The following DCC variants were observed in gnomAD, a reference collection of about 807,000 sequenced individuals.
The protein encoded by DCC is netrin receptor DCC.
Under a neutral mutation model 172.5 loss-of-function variants are expected in DCC, and 58 were observed. The observed-to-expected ratio is 0.34, with a 90% CI of 0.27 to 0.42. The LOEUF (loss-of-function observed/expected upper bound fraction) is 0.42. DCC is among the 10% of genes least tolerant of loss of function. DCC has a pLI of 1.00. For synonymous variants in DCC, 709 were observed against 644.5 expected, an observed-to-expected ratio of 1.10 and a Z score of -1.52; for missense variants, 1,740 against 1,791.0, an observed-to-expected ratio of 0.97 and a Z score of 0.51.
At chr18:52,857,400 A>G (rs893493264) in intron 2 of DCC, among the ~76,000 whole-genome samples, 1 of 152,192 alleles carries the variant, frequency 6.6e-6, no homozygotes, top group Non-Finnish European at 1.5e-5. Context: ...ACTAGGGAAA[A>G]AAAGTTTCAT....
intron 21 of DCC, among the ~76,000 whole-genome samples, chr18:53,417,899 G>GCCTTTC (rs1910413086): frequency 6.6e-6 from 1 of 151,988 alleles, no homozygotes. Flanking sequence ...ATTATTTTAT[G>GCCTTTC]AAAGGCAAAT....
intron 1 of DCC, among the ~76,000 whole-genome samples, chr18:52,438,980 T>G (rs1005883232): frequency 6.6e-6 from 1 of 152,182 alleles, no homozygotes; most frequent in African/African-American, 2.4e-5. Flanking sequence ...CCAAACACTT[T>G]GCCTCTTCTT....
chr18:52,912,869 G>A (rs746118172), intron 3 of DCC, among the ~76,000 whole-genome samples: 2 of 151,980 alleles, frequency 1.3e-5, no homozygotes, highest in Non-Finnish European at 2.9e-5. Flanking sequence ...ATTCAGGTTA[G>A]CAAGACAAAA....
chr18:53,297,340 T>C (rs2057079552), intron 12 of DCC, among the ~76,000 whole-genome samples: 2 of 152,200 alleles, frequency 1.3e-5, no homozygotes, highest in Admixed American at 6.5e-5. Flanking sequence ...AAATAAATAA[T>C]TTTTATGGTG....
At chr18:53,112,436 A>G (rs2043346275) in intron 7 of DCC, among the ~76,000 whole-genome samples, 1 of 151,532 alleles carries the variant, frequency 6.6e-6, no homozygotes, top group Non-Finnish European at 1.5e-5. Context: ...AGTGGTGAAG[A>G]AACTCGCCAC....
chr18:52,784,829 G>C (rs1474269986), intron 2 of DCC, among the ~76,000 whole-genome samples: 1 of 151,580 alleles, frequency 6.6e-6, no homozygotes, highest in Admixed American at 6.6e-5. Context: ...TCAGGACCCA[G>C]ACACATGTGA....
chr18:53,153,432 A>G (rs560801352), intron 7 of DCC, among the ~76,000 whole-genome samples: 77 of 152,224 alleles, frequency 5.1e-4, no homozygotes, highest in African/African-American at 1.7e-3. Flanking sequence ...TGCCACATTT[A>G]CTTCTGAACA....
At chr18:52,613,246 GT>G (rs1222440500) in intron 1 of DCC, among the ~76,000 whole-genome samples, 4 of 151,854 alleles carry the variant, frequency 2.6e-5, no homozygotes, top group Non-Finnish European at 5.9e-5. Context: ...GTTTGTTTTT[GT>G]TTTTTTCTTG....
At chr18:53,445,428 T>C (rs1912537972) in intron 22 of DCC, among the ~76,000 whole-genome samples, 1 of 152,230 alleles carries the variant, frequency 6.6e-6, no homozygotes, top group South Asian at 2.1e-4. Flanking sequence ...ATTGTTTGCC[T>C]ATTGATATTG....
intron 26 of DCC, among the ~76,000 whole-genome samples, chr18:53,496,801 C>T (rs1259038405): frequency 1.3e-5 from 2 of 152,122 alleles, no homozygotes; most frequent in African/African-American, 2.4e-5. Context: ...CCTGATGGAG[C>T]TGAAAAACAC....
chr18:52,851,636 G>A (rs2038976738), intron 2 of DCC, among the ~76,000 whole-genome samples: 1 of 151,990 alleles, frequency 6.6e-6, no homozygotes. Flanking sequence ...CAAACAAATA[G>A]CAAATTGAGT....
intron 7 of DCC, among the ~76,000 whole-genome samples, chr18:53,138,227 T>G (rs1265946557): frequency 6.6e-6 from 1 of 152,146 alleles, no homozygotes; most frequent in African/African-American, 2.4e-5. Flanking sequence ...CTCTACATGG[T>G]GCACCAGGCC....
chr18:53,041,316 A>T (rs2042165931), intron 5 of DCC, among the ~76,000 whole-genome samples: 1 of 152,008 alleles, frequency 6.6e-6, no homozygotes, highest in Non-Finnish European at 1.5e-5. Context: ...CAAAGATCAG[A>T]TGGTTGTAGA....
At chr18:52,956,249 G>A (rs2040740184) in intron 5 of DCC, among the ~76,000 whole-genome samples, 1 of 151,880 alleles carries the variant, frequency 6.6e-6, no homozygotes, top group Admixed American at 6.6e-5. Flanking sequence ...AAGAGTATAA[G>A]GTCTGTGTCT....
intron 7 of DCC, among the ~76,000 whole-genome samples, chr18:53,075,434 G>T (rs986774194): frequency 2.0e-5 from 3 of 152,010 alleles, no homozygotes; most frequent in African/African-American, 7.2e-5. Context: ...TAATATGAAT[G>T]TACTGAGACC....
intron 16 of DCC, among the ~76,000 whole-genome samples, chr18:53,389,454 A>G (rs1339069842): frequency 6.6e-6 from 1 of 152,208 alleles, no homozygotes; most frequent in African/African-American, 2.4e-5. Flanking sequence ...TGCATCAGAC[A>G]CTAGGTTTTT....
chr18:52,547,087 C>T (rs2144715526), intron 1 of DCC, among the ~76,000 whole-genome samples: 1 of 152,224 alleles, frequency 6.6e-6, no homozygotes, highest in Middle Eastern at 3.4e-3. Context: ...TCATTAAAAT[C>T]ATTAGGTAAA....
chr18:52,518,971 G>A (rs2031725729), intron 1 of DCC, among the ~76,000 whole-genome samples: 1 of 152,218 alleles, frequency 6.6e-6, no homozygotes, highest in South Asian at 2.1e-4. Flanking sequence ...GCCAGAGAAT[G>A]CTAACCATGT....
chr18:52,982,053 G>C (rs2041219934), intron 5 of DCC, among the ~76,000 whole-genome samples: 1 of 152,094 alleles, frequency 6.6e-6, no homozygotes, highest in African/African-American at 2.4e-5. Flanking sequence ...CTTACATAAA[G>C]AGCTTTCTAA....
Sources: allele counts gnomAD v4.1 joint callset (sites outside exome capture counted in the v4.1 genomes callset), GRCh38; gene constraint gnomAD v4.1.1; transcripts MANE v1.5; gene names NCBI Gene and HGNC (gene_info 2026-07-23, HGNC 2026-07-21).